PTPRD: variants seen among roughly 807,000 people sequenced by gnomAD.
The protein encoded by PTPRD is protein tyrosine phosphatase receptor type D.
PTPRD carries 34 observed loss-of-function variants against 214.5 expected under a neutral mutation model. That is an observed-to-expected ratio of 0.16 (90% CI 0.12 to 0.21). The LOEUF (loss-of-function observed/expected upper bound fraction) is 0.21. Among genes scored for constraint, PTPRD ranks in the 10% least tolerant of loss-of-function variants. The pLI is 1.00. For missense variants in PTPRD, 2,545 were observed against 2,398.7 expected (o/e 1.06, Z -1.27); for synonymous variants, 1,128 against 845.7 (o/e 1.33, Z -5.79).
intron 12 of PTPRD, among the ~76,000 whole-genome samples, chr9:8,653,629 A>G (rs942281806): frequency 6.6e-6 from 1 of 152,100 alleles, no homozygotes; most frequent in African/African-American, 2.4e-5. Flanking sequence ...TACAGCCTCA[A>G]CTATACCCCT....
At position 8,566,881 on chromosome 9, in the gene PTPRD, G is replaced by A. The variant is rs376524873; in HGVS notation, c.353-38102C>T. 9.2e-5 allele frequency among the ~76,000 whole-genome samples: 14 copies of A among 152,196 alleles called. No homozygotes were observed. The East Asian group carries it at 1.9e-3, about 21-fold the overall frequency. On this transcript the variant is annotated intron_variant, in intron 14 of 45. Transcript: ENST00000381196. Reference sequence around the variant, plus strand: ...AAGTCTCCAGCCTGGACACTGCCTTGGGTAGATCTGGTCATCAGTCCTGGT... The same window carrying A: ...AAGTCTCCAGCCTGGACACTGCCTTAGGTAGATCTGGTCATCAGTCCTGGT...
intron 9 of PTPRD, among the ~76,000 whole-genome samples, chr9:9,327,788 T>G (rs1404453464): frequency 6.6e-6 from 1 of 152,056 alleles, no homozygotes; most frequent in African/African-American, 2.4e-5. Flanking sequence ...GCATAAAATG[T>G]ATGATAGCAT....
At chr9:8,490,718 G>C (rs182862925) in intron 27 of PTPRD, among the ~76,000 whole-genome samples, 67 of 152,236 alleles carry the variant, frequency 4.4e-4, no homozygotes, top group African/African-American at 1.6e-3. Context: ...TTCTTCAGAA[G>C]CATCCTTGAG....
chr9:9,275,808 G>A (rs1486854263), intron 9 of PTPRD, among the ~76,000 whole-genome samples: 6 of 150,662 alleles, frequency 4.0e-5, no homozygotes, highest in African/African-American at 1.2e-4. Flanking sequence ...TGACAACAGT[G>A]AGCGAAACAG....
At chr9:9,124,226 A>T (rs927355840) in intron 10 of PTPRD, among the ~76,000 whole-genome samples, 3 of 152,178 alleles carry the variant, frequency 2.0e-5, no homozygotes, top group African/African-American at 7.2e-5. Context: ...TTTTCCTGGG[A>T]GAGGTATTGG....
At chr9:9,000,982 C>T (rs2099415863) in intron 11 of PTPRD, among the ~76,000 whole-genome samples, 1 of 151,926 alleles carries the variant, frequency 6.6e-6, no homozygotes, top group Admixed American at 6.6e-5. Context: ...CACGCACAGC[C>T]AGCAAATGAC....
In PTPRD at chr9:9,204,553, A is replaced by G. The variant is rs79023677; in HGVS notation, c.-202-21190T>C. ...TCACGAGTCCTTTGCTTCCAACTAT[A>G]GAGTACTCTATATAACTCTGGCTTA... On this transcript the variant is annotated intron_variant, in intron 9 of 45. Coordinates refer to ENST00000381196, the MANE Select transcript of PTPRD (RefSeq NM_002839.4). 2.4e-3 allele frequency among the ~76,000 whole-genome samples: 361 copies of G among 152,226 alleles called. 1 individual carries two copies. Among genetic ancestry groups the G allele is most frequent in the African/African-American group, 8.3e-3 (345 of 41,562 alleles).
intron 3 of PTPRD, among the ~76,000 whole-genome samples, chr9:10,099,930 T>C (rs1483449677): frequency 6.6e-6 from 1 of 151,756 alleles, no homozygotes; most frequent in Non-Finnish European, 1.5e-5. Context: ...CTATAATCTA[T>C]GAATGCACAT....
At chr9:9,379,196 G>GATATATATATAT (rs61595587) in intron 9 of PTPRD, among the ~76,000 whole-genome samples, 51 of 145,200 alleles carry the variant, frequency 3.5e-4, no homozygotes, top group African/African-American at 1.1e-3. Context: ...TCTATGTTGA[G>GATATATATATAT]ATATATATAT....
intron 2 of PTPRD, among the ~76,000 whole-genome samples, chr9:10,586,549 G>A (rs190557039): frequency 6.6e-6 from 1 of 152,122 alleles, no homozygotes; most frequent in Admixed American, 6.6e-5. Flanking sequence ...TTAGTCATGA[G>A]GGAAATAAAT....
chr9:9,822,195 G>A (rs1345344933), intron 5 of PTPRD, among the ~76,000 whole-genome samples: 2 of 150,566 alleles, frequency 1.3e-5, no homozygotes, highest in East Asian at 3.9e-4. Flanking sequence ...GGTGGATCAT[G>A]AGGTCAAGAG....
chr9:9,493,585 G>A (rs1015053587), intron 8 of PTPRD, among the ~76,000 whole-genome samples: 4 of 151,836 alleles, frequency 2.6e-5, no homozygotes, highest in Admixed American at 6.6e-5. Context: ...TCAGGAGATC[G>A]AGACCATTCT....
intron 12 of PTPRD, among the ~76,000 whole-genome samples, chr9:8,660,435 G>A (rs1232459371): frequency 6.6e-6 from 1 of 152,162 alleles, no homozygotes; most frequent in Non-Finnish European, 1.5e-5. Flanking sequence ...CATTCAAAAA[G>A]ATAACACTTA....
intron 5 of PTPRD, among the ~76,000 whole-genome samples, chr9:9,857,049 C>T (rs112495779): frequency 4.6e-5 from 7 of 152,246 alleles, no homozygotes; most frequent in Admixed American, 2.0e-4. Context: ...TTGGTTACAG[C>T]CCTCAAAGCC....
At position 10,138,463 on chromosome 9, in the gene PTPRD, G is replaced by T. The variant is rs560799470; in HGVS notation, c.-544-104673C>A. ...AAAAACAAAAAGTCCAGGACCAGAT[G>T]GATTCACAGCCAAATTCTAACAGAT... On this transcript the variant is annotated intron_variant, in intron 3 of 45. Coordinates refer to ENST00000381196, the MANE Select transcript of PTPRD (RefSeq NM_002839.4). 3.9e-5 allele frequency among the ~76,000 whole-genome samples: 6 copies of T among 152,038 alleles called. No homozygotes were observed. The East Asian group carries it at 1.2e-3, about 29-fold the overall frequency.
At chr9:9,853,902 G>A (rs1372095826) in intron 5 of PTPRD, among the ~76,000 whole-genome samples, 2 of 152,100 alleles carry the variant, frequency 1.3e-5, no homozygotes, top group Admixed American at 6.6e-5. Flanking sequence ...ATTTAATGGG[G>A]CACAATGTGA....
intron 9 of PTPRD, among the ~76,000 whole-genome samples, chr9:9,345,279 G>A (rs1171233488): frequency 6.6e-6 from 1 of 151,948 alleles, no homozygotes; most frequent in East Asian, 1.9e-4. Flanking sequence ...CAGTAAAAAT[G>A]TATTATCTAA....
chr9:10,304,951 G>C (rs539133220), intron 3 of PTPRD, among the ~76,000 whole-genome samples: 2 of 152,190 alleles, frequency 1.3e-5, no homozygotes, highest in Admixed American at 1.3e-4. Flanking sequence ...GCATTGCCGA[G>C]ACAATCCTAA....
chr9:9,431,141 T>G (rs913039718), intron 8 of PTPRD, among the ~76,000 whole-genome samples: 1 of 152,174 alleles, frequency 6.6e-6, no homozygotes, highest in African/African-American at 2.4e-5. Context: ...AGAAAATGTT[T>G]GCAATCTACC....
Sources: gnomAD v4.1 joint callset for allele counts (sites outside exome capture counted in the v4.1 genomes callset) on GRCh38, gnomAD v4.1.1 for gene constraint, MANE v1.5 for transcripts, NCBI Gene and HGNC (gene_info 2026-07-23, HGNC 2026-07-21) for gene names.